Variants in RPS6KA5 observed in about 807,000 individuals in gnomAD.
RPS6KA5 encodes the protein ribosomal protein S6 kinase alpha-5.
Under a neutral mutation model 85.5 loss-of-function variants are expected in RPS6KA5, and 27 were observed. The ratio of observed to expected loss-of-function variants is 0.32; its 90% confidence interval spans 0.23 to 0.44. The LOEUF is 0.44. Ranked by LOEUF, RPS6KA5 falls within the 20% of genes least tolerant of loss-of-function variation. RPS6KA5 has a pLI of 1.00. For synonymous variants in RPS6KA5, 334 were observed against 348.2 expected (o/e 0.96, Z 0.46); for missense variants, 811 against 980.9 (o/e 0.83, Z 2.31).
At chr14:90,929,347 TCTGA>T (rs896189837) in intron 5 of RPS6KA5, among the ~76,000 whole-genome samples, 18 of 152,260 alleles carry the variant, frequency 1.2e-4, no homozygotes, top group African/African-American at 4.3e-4. Flanking sequence ...AAATAATGGT[TCTGA>T]CTTTTTTCTT....
intron 5 of RPS6KA5, among the ~76,000 whole-genome samples, chr14:90,926,179 C>T (rs145004746): frequency 1.3e-5 from 2 of 151,626 alleles, no homozygotes; most frequent in East Asian, 3.9e-4. Flanking sequence ...CTAAGGTGAG[C>T]GGATCACTTG....
intron 1 of RPS6KA5, among the ~76,000 whole-genome samples, chr14:91,021,120 G>T (rs373467342): frequency 8.5e-5 from 13 of 152,066 alleles, no homozygotes; most frequent in East Asian, 5.8e-4. Flanking sequence ...TGAAAAATAC[G>T]CTGTTCTTCA....
intron 2 of RPS6KA5, among the ~76,000 whole-genome samples, chr14:90,983,672 A>AAAGGG (rs1392210595): frequency 6.7e-6 from 1 of 150,146 alleles, no homozygotes; most frequent in African/African-American, 2.4e-5. Context: ...GAAGGAAAGA[A>AAAGGG]AAGGGAAGGG....
intron 1 of RPS6KA5, among the ~76,000 whole-genome samples, chr14:91,012,810 G>A (rs1191129158): frequency 2.6e-5 from 4 of 152,220 alleles, no homozygotes; most frequent in African/African-American, 9.7e-5. Flanking sequence ...TGGTACACCA[G>A]GCAACAGTTA....
At position 90,858,679 on chromosome 14, in the gene RPS6KA5, G is replaced by A. The variant is rs2032396942; in HGVS notation, c.*13395C>T. On this transcript the variant is annotated 3_prime_UTR_variant, in exon 17 of 17. Transcript: ENST00000614987. ...GCAACAGGGAGCAAACCAATGCAGGGAGAACTTGACGAGCTGCAATAAAAT... is the reference window on the plus strand; with the variant it reads ...GCAACAGGGAGCAAACCAATGCAGGAAGAACTTGACGAGCTGCAATAAAAT... 1.3e-5 allele frequency: 2 copies of A among 152,180 alleles called. No individual in the cohort carries two copies. Among genetic ancestry groups the A allele is most frequent in the African/African-American group, 4.8e-5 (2 of 41,436 alleles). The allele number at this position is 152,180 out of a possible 1,614,324, so 9.4% of individuals were successfully genotyped here.
At chr14:90,964,198 A>G (rs900722107) in intron 3 of RPS6KA5, among the ~76,000 whole-genome samples, 9 of 152,214 alleles carry the variant, frequency 5.9e-5, no homozygotes, top group Non-Finnish European at 1.0e-4. Context: ...AAGGCAACAC[A>G]TGTGGCTAAG....
intron 3 of RPS6KA5, among the ~76,000 whole-genome samples, chr14:90,951,296 A>G (rs1239806016): frequency 1.3e-5 from 2 of 152,030 alleles, no homozygotes; most frequent in East Asian, 1.9e-4. Flanking sequence ...ATCCTGGCTA[A>G]CATGGTGAAA....
At chr14:91,029,661 A>G (rs1478539465) in intron 1 of RPS6KA5, among the ~76,000 whole-genome samples, 1 of 152,200 alleles carries the variant, frequency 6.6e-6, no homozygotes. Context: ...CTGGCCTTAT[A>G]GGATTTGTTG....
At chr14:90,951,280 G>T (rs919212011) in intron 3 of RPS6KA5, among the ~76,000 whole-genome samples, 1 of 151,924 alleles carries the variant, frequency 6.6e-6, no homozygotes, top group Admixed American at 6.6e-5. Flanking sequence ...TCAGGAGATC[G>T]AGACCATCCT....
intron 1 of RPS6KA5, among the ~76,000 whole-genome samples, chr14:91,053,915 T>A (rs1295371841): frequency 9.9e-5 from 15 of 152,158 alleles, no homozygotes; most frequent in Non-Finnish European, 2.2e-4. Flanking sequence ...AGAATAAGAC[T>A]CACACTTCTC....
intron 1 of RPS6KA5, among the ~76,000 whole-genome samples, chr14:91,046,040 C>T (rs186675267): frequency 7.9e-5 from 12 of 152,318 alleles, no homozygotes; most frequent in Non-Finnish European, 1.5e-4. Flanking sequence ...AGCTTCAACA[C>T]GACTGCTTCC....
intron 1 of RPS6KA5, among the ~76,000 whole-genome samples, chr14:91,003,734 C>T (rs2040881090): frequency 6.6e-6 from 1 of 152,180 alleles, no homozygotes; most frequent in South Asian, 2.1e-4. Context: ...GTAGGTAAGG[C>T]AGAGCTCTTC....
rs1291412613 is a variant in RPS6KA5, at chr14:90,864,478, C to G, written c.*7596G>C. The stretch of plus-strand genomic sequence containing the variant: ...GAAGAATATAAGAATATCTTCATAA[C>G]CTTGGTGTGAACATTTATTAAATAC... On this transcript the variant is annotated 3_prime_UTR_variant, in exon 17 of 17. Transcript: ENST00000614987. 1 of 152,098 alleles carries G rather than the reference C, an allele frequency of 6.6e-6. No individual in the cohort carries two copies. Among genetic ancestry groups the G allele is most frequent in the Non-Finnish European group, 1.5e-5 (1 of 68,016 alleles). 9.4% of individuals were successfully genotyped at this position (152,098 alleles called of 1,614,324 possible).
At chr14:90,891,897 G>A (rs1445406969) in intron 13 of RPS6KA5, among the ~76,000 whole-genome samples, 1 of 152,110 alleles carries the variant, frequency 6.6e-6, no homozygotes, top group African/African-American at 2.4e-5. Flanking sequence ...ACAGCTGAAT[G>A]AACCACAGCT....
intron 2 of RPS6KA5, among the ~76,000 whole-genome samples, chr14:90,998,962 G>A (rs2040654714): frequency 6.6e-6 from 1 of 152,174 alleles, no homozygotes; most frequent in South Asian, 2.1e-4. Flanking sequence ...GGGCGTGATG[G>A]CTCACGTCTG....
At chr14:91,060,067 C>T (rs911562745) in intron 1 of RPS6KA5, 7 of 985,322 alleles carry the variant, frequency 7.1e-6, no homozygotes, top group Non-Finnish European at 7.2e-6. Context: ...GTGCCACGGG[C>T]AGCGGTCGGC....
In RPS6KA5 at chr14:91,042,648, A is replaced by G. The variant is rs1041402661; in HGVS notation, c.103+17684T>C. On this transcript the variant is annotated intron_variant, in intron 1 of 16. Transcript: ENST00000614987. ...ATCATGCTCGAAACTCAAAACTCCC[A>G]TATCTTCCTGCCACCAAATCTGCAA... is the stretch of plus-strand genomic sequence containing the variant. 2.0e-5 allele frequency among the ~76,000 whole-genome samples: 3 copies of G among 152,138 alleles called. 1 individual carries two copies. The highest frequency in any genetic ancestry group is 2.0e-4 in the Admixed American group (3 of 15,280).
chr14:91,053,287 A>G (rs2043169974), intron 1 of RPS6KA5, among the ~76,000 whole-genome samples: 1 of 152,146 alleles, frequency 6.6e-6, no homozygotes, highest in Non-Finnish European at 1.5e-5. Context: ...CTTTCACCCT[A>G]GGATCAGGAA....
At chr14:90,923,428 T>TCATCCATCCATCCATCCATCCATC (rs3832953) in intron 5 of RPS6KA5, among the ~76,000 whole-genome samples, 3 of 150,822 alleles carry the variant, frequency 2.0e-5, no homozygotes, top group African/African-American at 7.4e-5. Flanking sequence ...AATGGTACCA[T>TCATCCATCCATCCATCCATCCATC]CATCCATCCA....
Sources: allele counts gnomAD v4.1 joint callset (sites outside exome capture counted in the v4.1 genomes callset), GRCh38; gene constraint gnomAD v4.1.1; transcripts MANE v1.5; gene names NCBI Gene and HGNC (gene_info 2026-07-23, HGNC 2026-07-21).